The following PCDH15 variants were observed in gnomAD, a reference collection of about 807,000 sequenced individuals.
PCDH15 encodes the protein protocadherin related 15, also known as protocadherin-15.
Under a neutral mutation model 178.5 loss-of-function variants are expected in PCDH15, and 129 were observed. The observed-to-expected ratio is 0.72, with a 90% CI of 0.63 to 0.84. The LOEUF (loss-of-function observed/expected upper bound fraction) is 0.84, where lower values mean the gene tolerates loss of function less well. Ranked by LOEUF, PCDH15 falls within the 40% of genes least tolerant of loss-of-function variation. PCDH15 has a pLI of 0.00. For missense variants in PCDH15, 2,230 were observed against 2,099.9 expected, an observed-to-expected ratio of 1.06 and a Z score of -1.21; for synonymous variants, 800 against 732.0, an observed-to-expected ratio of 1.09 and a Z score of -1.50.
intron 30 of PCDH15, among the ~76,000 whole-genome samples, chr10:53,829,527 T>A (rs2076897284): frequency 6.6e-6 from 1 of 152,220 alleles, no homozygotes; most frequent in Non-Finnish European, 1.5e-5. Flanking sequence ...TTTAACATTA[T>A]AATTAATAAT....
intron 8 of PCDH15, among the ~76,000 whole-genome samples, chr10:54,237,505 A>C (rs1271485641): frequency 6.6e-6 from 1 of 152,210 alleles, no homozygotes; most frequent in African/African-American, 2.4e-5. Flanking sequence ...TAAAATTATA[A>C]TATACTTCTT....
chr10:54,816,363 A>G (rs1319028687), intron 3 of PCDH15, among the ~76,000 whole-genome samples: 1 of 152,068 alleles, frequency 6.6e-6, no homozygotes, highest in East Asian at 1.9e-4. Context: ...GAGAGTCTAC[A>G]AATGCTGAGT....
chr10:55,547,247 C>A (rs1470707891), intron 2 of PCDH15, among the ~76,000 whole-genome samples: 1 of 152,084 alleles, frequency 6.6e-6, no homozygotes, highest in African/African-American at 2.4e-5. Context: ...ATGGTTATTA[C>A]AGATATCAAT....
At chr10:55,066,078 C>T (rs1057374265) in intron 2 of PCDH15, among the ~76,000 whole-genome samples, 3 of 151,346 alleles carry the variant, frequency 2.0e-5, no homozygotes, top group Non-Finnish European at 3.0e-5. Flanking sequence ...ATTTTTTTTG[C>T]TTTATTTATA....
rs372305743 is a variant in PCDH15 at position 55,232,295 on chromosome 10, A to C, written c.-155-65644T>G. Among the ~76,000 whole-genome samples the C allele has an allele frequency of 6.5e-4, 99 of 152,182 alleles. 1 individual carries two copies. In the South Asian group the frequency reaches 0.019, roughly 29 times the overall value. ...TTTATAATATTCAGTGTTAACATTC[A>C]TGGAATAATATTTTGTGGATTAACA... On this transcript the variant is annotated intron_variant, in intron 1 of 5. Transcript: ENST00000458638.
chr10:54,588,464 T>A (rs2091651812), intron 2 of PCDH15, among the ~76,000 whole-genome samples: 1 of 152,224 alleles, frequency 6.6e-6, no homozygotes, highest in Admixed American at 6.5e-5. Context: ...TATTAATTTG[T>A]AAATGAAATG....
chr10:54,018,317 T>A (rs1258104037), intron 20 of PCDH15, among the ~76,000 whole-genome samples: 1 of 152,092 alleles, frequency 6.6e-6, no homozygotes, highest in Non-Finnish European at 1.5e-5. Context: ...AAGGGAGTAA[T>A]CCTCAGGAAC....
chr10:54,483,911 A>C (rs1316470609), intron 3 of PCDH15, among the ~76,000 whole-genome samples: 1 of 151,916 alleles, frequency 6.6e-6, no homozygotes, highest in Non-Finnish European at 1.5e-5. Flanking sequence ...TGATGCACTT[A>C]GTAATTAGCA....
chr10:54,907,136 A>C (rs557842895), intron 2 of PCDH15, among the ~76,000 whole-genome samples: 1 of 152,286 alleles, frequency 6.6e-6, no homozygotes, highest in East Asian at 1.9e-4. Context: ...TAGGTCATTG[A>C]TGACTCAGCT....
At chr10:54,402,254 TAAAGA>T (rs960191004) in intron 3 of PCDH15, among the ~76,000 whole-genome samples, 3 of 151,880 alleles carry the variant, frequency 2.0e-5, no homozygotes, top group Non-Finnish European at 4.4e-5. Flanking sequence ...ATATTTACAT[TAAAGA>T]AAACAGAACT....
At chr10:55,554,787 A>G (rs956400554) in intron 2 of PCDH15, among the ~76,000 whole-genome samples, 1 of 152,012 alleles carries the variant, frequency 6.6e-6, no homozygotes, top group African/African-American at 2.4e-5. Context: ...GTTTCTACCT[A>G]ATGTCCTTTT....
chr10:54,721,538 A>G (rs549660251), intron 1 of PCDH15, among the ~76,000 whole-genome samples: 1 of 152,014 alleles, frequency 6.6e-6, no homozygotes, highest in South Asian at 2.1e-4. Context: ...GGTAAAAGTG[A>G]CATTAAAACT....
rs1841084441 is a variant in PCDH15 at position 55,227,507 on chromosome 10, G to A, written c.-155-60856C>T. On this transcript the variant is annotated intron_variant, in intron 1 of 5. Transcript: ENST00000458638. ...ATAACTGCTGGGCAGCAGGCTTAGA[G>A]GGTAGTCAGCAGTAATAGAGCAGAA... Among the ~76,000 whole-genome samples, 3 of 148,772 alleles carry A rather than the reference G, an allele frequency of 2.0e-5. No individual in the cohort carries two copies. In the South Asian group the frequency reaches 6.4e-4, roughly 32 times the overall value.
intron 1 of PCDH15, among the ~76,000 whole-genome samples, chr10:55,260,399 G>T (rs1489842057): frequency 6.6e-6 from 1 of 152,068 alleles, no homozygotes; most frequent in Admixed American, 6.6e-5. Flanking sequence ...AGCAAAAAAA[G>T]AGATTACCTA....
At chr10:55,474,772 A>G (rs1161606902) in intron 2 of PCDH15, among the ~76,000 whole-genome samples, 1 of 152,134 alleles carries the variant, frequency 6.6e-6, no homozygotes, top group East Asian at 1.9e-4. Flanking sequence ...CTTAAGTCCA[A>G]ATAAGATTGT....
intron 25 of PCDH15, among the ~76,000 whole-genome samples, chr10:53,905,473 A>G (rs909678315): frequency 1.3e-5 from 2 of 152,024 alleles, no homozygotes; most frequent in Admixed American, 1.3e-4. Flanking sequence ...GGCTGTGACT[A>G]CAGGCATGCG....
chr10:54,573,253 G>A (rs922922608), intron 2 of PCDH15, among the ~76,000 whole-genome samples: 3 of 151,956 alleles, frequency 2.0e-5, no homozygotes, highest in Non-Finnish European at 2.9e-5. Context: ...CATTAGTTTA[G>A]TAAAAAACAA....
At position 53,886,185 on chromosome 10, in the gene PCDH15, G is replaced by A. The variant is rs552108602; in HGVS notation, c.3501+17058C>T. 6.6e-5 allele frequency among the ~76,000 whole-genome samples: 10 copies of A among 152,230 alleles called. No individual in the cohort carries two copies. The South Asian group carries it at 1.9e-3, about 28-fold the overall frequency. On this transcript the variant is annotated intron_variant, in intron 26 of 37. Transcript: ENST00000644397. ...AGAGAATGTCTAAGTTCAGAGAGAG[G>A]AACGAACCGTGCTCAGTGCTTTATG...
At chr10:54,663,456 T>C (rs2094522019) in intron 2 of PCDH15, among the ~76,000 whole-genome samples, 1 of 148,658 alleles carries the variant, frequency 6.7e-6, no homozygotes, top group African/African-American at 2.4e-5. Flanking sequence ...TAACATATTA[T>C]ATATATCCTA....
Sources: allele counts gnomAD v4.1 joint callset (sites outside exome capture counted in the v4.1 genomes callset), GRCh38; gene constraint gnomAD v4.1.1; transcripts MANE v1.5; gene names NCBI Gene and HGNC (gene_info 2026-07-23, HGNC 2026-07-21).